Variants in KATNIP observed in about 807,000 individuals in gnomAD.
KATNIP encodes the protein katanin interacting protein.
In KATNIP, 126 loss-of-function variants were observed where a neutral mutation model predicts 174.0. The observed-to-expected ratio is 0.72, with a 90% CI of 0.63 to 0.84. KATNIP has a LOEUF of 0.84. Among genes scored for constraint, KATNIP ranks in the 40% least tolerant of loss-of-function variants. KATNIP has a pLI of 0.00. For missense variants in KATNIP, 1,958 were observed against 2,109.7 expected (o/e 0.93, Z 1.41); for synonymous variants, 810 against 835.7 (o/e 0.97, Z 0.53).
intron 17 of KATNIP, among the ~76,000 whole-genome samples, chr16:27,753,763 CTCCTTCCCTCCT>C (rs1338978734): frequency 7.0e-6 from 1 of 142,906 alleles, no homozygotes; most frequent in Non-Finnish European, 1.5e-5. Flanking sequence ...CCTTCTTTTC[CTCCTTCCCTCCT>C]TCCTTTCCTC....
chr16:27,656,638 A>G (rs2142421952), intron 6 of KATNIP, among the ~76,000 whole-genome samples: 1 of 150,668 alleles, frequency 6.6e-6, no homozygotes, highest in East Asian at 1.9e-4. Context: ...TGTCCTTTGT[A>G]GGGACATGGA....
At chr16:27,767,149 C>G (rs1029001193) in intron 20 of KATNIP, among the ~76,000 whole-genome samples, 11 of 152,024 alleles carry the variant, frequency 7.2e-5, no homozygotes, top group African/African-American at 2.7e-4. Context: ...ATGAGGCCAC[C>G]GAAAGGTAGC....
chr16:27,765,897 AT>A lies in KATNIP; in HGVS notation c.3810-410del, dbSNP rs1216818296. Among the ~76,000 whole-genome samples, 3 of 152,176 alleles carry A rather than the reference AT, an allele frequency of 2.0e-5. No individual in the cohort carries two copies. The East Asian group carries it at 5.8e-4, about 29-fold the overall frequency. On this transcript the variant is annotated intron_variant, in intron 19 of 27. Coordinates refer to ENST00000261588, the MANE Select transcript of KATNIP (RefSeq NM_015202.5). ...TTAGGTTGTTATCCTTTTTTAAGCT[AT>A]TGTAAATAACACTGTAATGAGCATC... is the stretch of plus-strand genomic sequence containing the variant.
chr16:27,745,048 A>T (rs932273053), intron 15 of KATNIP, among the ~76,000 whole-genome samples: 1 of 152,278 alleles, frequency 6.6e-6, no homozygotes, highest in African/African-American at 2.4e-5. Context: ...CAAGAGAGAA[A>T]GAGCAAGCCT....
chr16:27,631,505 A>C (rs1372221086), intron 5 of KATNIP, among the ~76,000 whole-genome samples: 13 of 151,414 alleles, frequency 8.6e-5, no homozygotes, highest in African/African-American at 2.9e-4. Context: ...CAGTTGCACC[A>C]CTGCACTCCA....
chr16:27,721,785 A>T, intron 14 of KATNIP, 90 bp downstream of exon 14: 3 of 1,457,088 alleles, frequency 2.1e-6, no homozygotes, highest in Non-Finnish European at 2.8e-6. Context: ...AAGTTGCAAA[A>T]TGGATACACG....
chr16:27,585,478 T>C (rs569492311), intron 2 of KATNIP, among the ~76,000 whole-genome samples: 31 of 152,348 alleles, frequency 2.0e-4, no homozygotes, highest in African/African-American at 7.2e-4. Context: ...ACTCCCATGT[T>C]TCTTGCAGCA....
Position 27,740,472 on chromosome 16 carries a change from T to G in KATNIP, c.2175T>G (p.Pro725=). 6.2e-7 allele frequency: 1 copy of G among 1,614,134 alleles called. No individual in the cohort carries two copies. The highest frequency in any genetic ancestry group is 8.5e-7 in the Non-Finnish European group (1 of 1,180,022). ...CTTCCCCACCTGTGAAGTGCCCTCC[T>G]GTCCATGAGGAGCCCTCTCTCATCC... ...PATSPPVKCP[P]VHEEPSLIQQ... The change falls in exon 15 of 28, where the codon CCT becomes CCG. Residue 725 remains proline, a synonymous_variant. Coordinates refer to ENST00000261588, the MANE Select transcript of KATNIP (RefSeq NM_015202.5).
chr16:27,779,271 CTG>C lies in KATNIP; in HGVS notation c.*647_*648del, dbSNP rs143012864. On this transcript the variant is annotated 3_prime_UTR_variant, in exon 28 of 28. Transcript: ENST00000261588. Reference sequence around the variant, plus strand: ...GGGCCTGATAAGGGATTGGCCAAGGCTGTGTGCATCCTGCAGAGGGAAGGAAG... The same window carrying C: ...GGGCCTGATAAGGGATTGGCCAAGGCTGTGCATCCTGCAGAGGGAAGGAAG... 0.042 allele frequency: 6,445 copies of C among 152,460 alleles called. 358 individuals are homozygous for C. The highest frequency in any genetic ancestry group is 0.12 in the African/African-American group (5,065 of 41,534). The allele number at this position is 152,460 out of a possible 1,614,324, so 9.4% of individuals were successfully genotyped here. A position where few individuals can be genotyped will look rare whatever the true frequency, so the allele number is the denominator to read the frequency against.
chr16:27,770,036 G>A lies in KATNIP; in HGVS notation c.4133+18G>A, dbSNP rs373052628. On this transcript the variant is annotated intron_variant, in intron 21 of 27. Transcript: ENST00000261588. ...GCCAGGAGGTGAGGAGAAAGTGGGCGCCACACACAGCCCCTCCCGGCCCCT... is the reference window on the plus strand; with the variant it reads ...GCCAGGAGGTGAGGAGAAAGTGGGCACCACACACAGCCCCTCCCGGCCCCT... The A allele has an allele frequency of 1.2e-5, 19 of 1,607,432 alleles. No individual in the cohort carries two copies. Among genetic ancestry groups the A allele is most frequent in the Admixed American group, 1.7e-5 (1 of 59,914 alleles).
At chr16:27,618,278 C>T (rs931377086) in intron 2 of KATNIP, 147 bp from the exon 3 acceptor site, 19 of 611,360 alleles carry the variant, frequency 3.1e-5, no homozygotes, top group African/African-American at 2.4e-4. Flanking sequence ...GGCTCCAGGT[C>T]GCTGGAGCAA....
Position 27,708,869 on chromosome 16 carries a change from G to C in KATNIP, c.1554G>C (p.Arg518=). 3 of 1,614,004 alleles carry C rather than the reference G, an allele frequency of 1.9e-6. No homozygotes were observed. The highest frequency in any genetic ancestry group is 2.5e-6 in the Non-Finnish European group (3 of 1,180,034). Residue 518 remains arginine (R), a synonymous_variant, in exon 13 of 28, where the codon CGG becomes CGC. Transcript: ENST00000261588. ...LYVSPHDVDI[R]NTATPGELGR... ...TGTCGCCCCACGATGTGGATATCCG[G>C]AACACAGCCACGCCTGGGGAGCTGG...
intron 2 of KATNIP, among the ~76,000 whole-genome samples, chr16:27,600,632 T>TC (rs2075488440): frequency 6.6e-6 from 1 of 151,826 alleles, no homozygotes; most frequent in Non-Finnish European, 1.5e-5. Context: ...CTTTTACAAT[T>TC]CGGTGTCTTG....
chr16:27,740,163 G>A lies in KATNIP; in HGVS notation c.1866G>A (p.Lys622=). 6.2e-7 allele frequency: 1 copy of A among 1,614,188 alleles called. No individual in the cohort carries two copies. Among genetic ancestry groups the A allele is most frequent in the Non-Finnish European group, 8.5e-7 (1 of 1,180,032 alleles). Residue 622 remains lysine (K), a synonymous_variant, in exon 15 of 28, where the codon AAG becomes AAA. Transcript: ENST00000261588. Reference sequence around the variant, plus strand: ...ACCACAGCATCCTGGTTGACCAGAAGAACGAGAAGAGCGAGCAACTAGAGG... The same window carrying A: ...ACCACAGCATCCTGGTTGACCAGAAAAACGAGAAGAGCGAGCAACTAGAGG... ...PADHSILVDQ[K]NEKSEQLEEA...
intron 17 of KATNIP, 62 bp from the exon 18 acceptor site, chr16:27,754,111 C>G: frequency 2.9e-6 from 4 of 1,374,044 alleles, no homozygotes; most frequent in Non-Finnish European, 4.1e-6. Context: ...AGCCAGCCAG[C>G]TAGCTGTGTG....
chr16:27,667,087 G>A (rs559272139), intron 6 of KATNIP, among the ~76,000 whole-genome samples: 9 of 152,214 alleles, frequency 5.9e-5, no homozygotes, highest in Admixed American at 1.3e-4. Context: ...TTTGGAGGCC[G>A]AGGCAGGAGG....
chr16:27,595,179 G>A (rs190842240), intron 2 of KATNIP, among the ~76,000 whole-genome samples: 96 of 152,292 alleles, frequency 6.3e-4, no homozygotes, highest in African/African-American at 2.1e-3. Flanking sequence ...GAGACCAGGA[G>A]TTCGAGATCA....
intron 12 of KATNIP, among the ~76,000 whole-genome samples, chr16:27,705,823 C>A (rs1337712905): frequency 6.6e-6 from 1 of 151,930 alleles, no homozygotes; most frequent in African/African-American, 2.4e-5. Flanking sequence ...CTACAGGGGC[C>A]CCCCAGCACA....
In KATNIP at chr16:27,754,214, A is replaced by G. The variant is rs146963069; in HGVS notation, c.3594A>G (p.Gln1198=). Residue 1198 remains glutamine (Q), a synonymous_variant, in exon 18 of 28, where the codon CAA becomes CAG. Transcript: ENST00000261588. ...LELPSSSPVP[Q]VTTPEPGIYH... is the part of the protein sequence containing the mutation. ...TCCCATCCAGTTCCCCTGTCCCCCA[A>G]GTCACCACGCCAGAGCCAGGCATCT... 8.3e-4 allele frequency: 1,337 copies of G among 1,614,142 alleles called. 26 individuals carry two copies. The East Asian group carries it at 0.027, about 32-fold the overall frequency.
Sources: allele counts gnomAD v4.1 joint callset (sites outside exome capture counted in the v4.1 genomes callset), GRCh38; gene constraint gnomAD v4.1.1; transcripts MANE v1.5; gene names NCBI Gene and HGNC (gene_info 2026-07-23, HGNC 2026-07-21).